Variants in MBNL1 observed in about 807,000 individuals in gnomAD.
The protein encoded by MBNL1 is muscleblind-like protein 1.
Under a neutral mutation model 42.2 loss-of-function variants are expected in MBNL1, and 8 were observed. The ratio of observed to expected loss-of-function variants is 0.19; its 90% CI spans 0.11 to 0.34. The LOEUF (loss-of-function observed/expected upper bound fraction) is 0.34, where lower values mean the gene tolerates loss of function less well. Ranked by LOEUF, MBNL1 falls within the 10% of genes least tolerant of loss-of-function variation. MBNL1 has a pLI of 1.00. For missense variants in MBNL1, 309 were observed against 495.3 expected, an observed-to-expected ratio of 0.62 and a Z score of 3.57; for synonymous variants, 169 against 173.9, an observed-to-expected ratio of 0.97 and a Z score of 0.22.
At chr3:152,332,737 TGTGC>T (rs796512214) in intron 2 of MBNL1, among the ~76,000 whole-genome samples, 7,014 of 104,662 alleles carry the variant, frequency 0.067, 245 homozygotes, top group African/African-American at 0.12. Context: ...TGTGTGTGTG[TGTGC>T]GCGCGCGCAT....
chr3:152,408,614 T>C (rs144291794), intron 2 of MBNL1, among the ~76,000 whole-genome samples: 1 of 152,012 alleles, frequency 6.6e-6, no homozygotes, highest in African/African-American at 2.4e-5. Context: ...ACTATTGTTA[T>C]AACTGGTTAT....
chr3:152,324,130 A>G (rs2078064174), intron 2 of MBNL1, among the ~76,000 whole-genome samples: 1 of 152,194 alleles, frequency 6.6e-6, no homozygotes, highest in African/African-American at 2.4e-5. Flanking sequence ...GAAATCACTT[A>G]CTAATCACAG....
At chr3:152,335,481 C>G (rs1053829022) in intron 2 of MBNL1, among the ~76,000 whole-genome samples, 2 of 152,284 alleles carry the variant, frequency 1.3e-5, no homozygotes, top group East Asian at 3.9e-4. Flanking sequence ...TTCAGTACTT[C>G]AGTAGATGGA....
intron 2 of MBNL1, among the ~76,000 whole-genome samples, chr3:152,368,363 G>A (rs1024226527): frequency 1.3e-5 from 2 of 152,028 alleles, no homozygotes; most frequent in Non-Finnish European, 2.9e-5. Context: ...CTGTTCCATT[G>A]GTCTATATAT....
intron 2 of MBNL1, among the ~76,000 whole-genome samples, chr3:152,362,849 T>C (rs1242991914): frequency 6.6e-6 from 1 of 152,180 alleles, no homozygotes; most frequent in Non-Finnish European, 1.5e-5. Flanking sequence ...AAAATCTATA[T>C]TGATACATCT....
At chr3:152,258,247 G>T (rs183154809) in intron 2 of MBNL1, among the ~76,000 whole-genome samples, 1 of 152,142 alleles carries the variant, frequency 6.6e-6, no homozygotes, top group Non-Finnish European at 1.5e-5. Flanking sequence ...AATGAAAATA[G>T]CTGTAATTTA....
chr3:152,304,263 C>T (rs1012833190), intron 2 of MBNL1, among the ~76,000 whole-genome samples: 1 of 152,064 alleles, frequency 6.6e-6, no homozygotes, highest in African/African-American at 2.4e-5. Context: ...AAAGTAGTCC[C>T]AAAGGTGGTT....
At chr3:152,388,152 C>A (rs113358130) in intron 2 of MBNL1, among the ~76,000 whole-genome samples, 2 of 152,004 alleles carry the variant, frequency 1.3e-5, no homozygotes, top group Admixed American at 6.6e-5. Flanking sequence ...TACATGTAAT[C>A]GATTGTTTTT....
At chr3:152,382,274 G>GA (rs532010226) in intron 2 of MBNL1, among the ~76,000 whole-genome samples, 1 of 152,086 alleles carries the variant, frequency 6.6e-6, no homozygotes, top group African/African-American at 2.4e-5. Flanking sequence ...TTAAAGCAAA[G>GA]AAAATATTTT....
chr3:152,423,121 A>T (rs1580153554), intron 3 of MBNL1, among the ~76,000 whole-genome samples: 1 of 152,326 alleles, frequency 6.6e-6, no homozygotes, highest in African/African-American at 2.4e-5. Context: ...ATAGAGATAC[A>T]AAAAACCCTT....
chr3:152,300,708 AT>A (rs2060379878), intron 2 of MBNL1, among the ~76,000 whole-genome samples: 1 of 152,224 alleles, frequency 6.6e-6, no homozygotes, highest in Non-Finnish European at 1.5e-5. Flanking sequence ...TATATTATAT[AT>A]AAGGCCATGG....
intron 1 of MBNL1, among the ~76,000 whole-genome samples, chr3:152,283,375 A>G (rs1469237748): frequency 2.4e-4 from 37 of 152,136 alleles, no homozygotes; most frequent in Admixed American, 2.4e-3. Context: ...ATCAGATAGG[A>G]CTGTTGTTGT....
At chr3:152,418,714 C>CTTT (rs35606256) in intron 3 of MBNL1, among the ~76,000 whole-genome samples, 17 of 118,682 alleles carry the variant, frequency 1.4e-4, no homozygotes, top group East Asian at 2.7e-4. Flanking sequence ...TCTTAACAAT[C>CTTT]TTTTTTTTTT....
At chr3:152,402,308 A>C (rs2098261119) in intron 2 of MBNL1, among the ~76,000 whole-genome samples, 2 of 152,156 alleles carry the variant, frequency 1.3e-5, no homozygotes, top group Admixed American at 1.3e-4. Flanking sequence ...CCCCCATTTA[A>C]TATTCACGTT....
chr3:152,297,480 G>A (rs1054599336), intron 1 of MBNL1, among the ~76,000 whole-genome samples: 2 of 151,622 alleles, frequency 1.3e-5, no homozygotes, highest in African/African-American at 2.4e-5. Context: ...CTCCCAAGGA[G>A]CTGGGATTAC....
chr3:152,446,586 C>A, intron 5 of MBNL1: 1 of 690,126 alleles, frequency 1.4e-6, no homozygotes, highest in Non-Finnish European at 2.5e-6. Context: ...TTTGTTTTTT[C>A]TCACCTACCC....
At chr3:152,422,277 A>G (rs1457622708) in intron 3 of MBNL1, among the ~76,000 whole-genome samples, 1 of 151,350 alleles carries the variant, frequency 6.6e-6, no homozygotes, top group Non-Finnish European at 1.5e-5. Context: ...GCAAAAAAAA[A>G]AAAAAAAAGC....
intron 2 of MBNL1, among the ~76,000 whole-genome samples, chr3:152,355,148 C>T (rs577150713): frequency 1.3e-5 from 2 of 152,196 alleles, no homozygotes; most frequent in East Asian, 1.9e-4. Context: ...TAAGTGAGAT[C>T]CAGTCTCTGC....
chr3:152,345,941 ATTTT>A (rs1229603894), intron 2 of MBNL1, among the ~76,000 whole-genome samples: 1 of 152,022 alleles, frequency 6.6e-6, no homozygotes, highest in African/African-American at 2.4e-5. Context: ...AATAGGCTGG[ATTTT>A]TGTTTGTTTG....
Sources: gnomAD v4.1 joint callset for allele counts (sites outside exome capture counted in the v4.1 genomes callset) on GRCh38, gnomAD v4.1.1 for gene constraint, MANE v1.5 for transcripts, NCBI Gene and HGNC (gene_info 2026-07-23, HGNC 2026-07-21) for gene names.